The following FBP2 variants were observed in gnomAD, a reference collection of about 807,000 sequenced individuals.
FBP2 encodes fructose-bisphosphatase 2, also known as fructose-1,6-bisphosphatase isozyme 2.
FBP2 carries 27 observed loss-of-function variants against 31.6 expected under a neutral mutation model. The observed-to-expected ratio is 0.85, with a 90% confidence interval of 0.63 to 1.18. FBP2 has a LOEUF of 1.18. FBP2 is among the 50% of genes most tolerant of loss of function. The pLI is 0.00. For missense variants in FBP2, 421 were observed against 436.1 expected (o/e 0.97, Z 0.31); for synonymous variants, 168 against 179.8 (o/e 0.93, Z 0.53).
At chr9:94,569,322 T>C (rs879752721) in intron 4 of FBP2, 3 of 152,270 alleles carry the variant, frequency 2.0e-5, no homozygotes, top group Admixed American at 6.5e-5. Context: ...GGTCCTCTAG[T>C]CCTGCCCGTT....
chr9:94,589,837 G>A (rs1458475196), intron 1 of FBP2, among the ~76,000 whole-genome samples: 2 of 150,008 alleles, frequency 1.3e-5, no homozygotes, highest in African/African-American at 4.9e-5. Context: ...TCACCCCAAA[G>A]ACTGTGCCTC....
At chr9:94,588,904 G>A (rs1449335594) in intron 1 of FBP2, among the ~76,000 whole-genome samples, 1 of 152,122 alleles carries the variant, frequency 6.6e-6, no homozygotes, top group Non-Finnish European at 1.5e-5. Flanking sequence ...CCTTGTGACT[G>A]ACTGCCCAGT....
intron 6 of FBP2, among the ~76,000 whole-genome samples, chr9:94,559,737 T>A (rs1827066291): frequency 6.6e-6 from 1 of 152,182 alleles, no homozygotes. Context: ...GTACTTCCCC[T>A]CTGGTACCAC....
chr9:94,590,736 C>G (rs1006170559), intron 1 of FBP2, among the ~76,000 whole-genome samples: 1 of 152,158 alleles, frequency 6.6e-6, no homozygotes, highest in Non-Finnish European at 1.5e-5. Flanking sequence ...AACGGGTTGC[C>G]GATGCTGGTT....
chr9:94,587,989 C>G (rs1587846172), intron 1 of FBP2, among the ~76,000 whole-genome samples: 1 of 152,140 alleles, frequency 6.6e-6, no homozygotes, highest in East Asian at 1.9e-4. Flanking sequence ...GCTGGGACTA[C>G]AGGCGCCCGC....
At chr9:94,586,872 G>T in intron 2 of FBP2, 1 of 160,384 alleles carries the variant, frequency 6.2e-6, no homozygotes, top group Non-Finnish European at 1.3e-5. Flanking sequence ...CAGTCTAACA[G>T]CTTGTCAGGC....
At position 94,593,563 on chromosome 9, in the gene FBP2, G is replaced by T. The variant is rs771646420; in HGVS notation, c.164C>A (p.Ala55Asp). The T allele has an allele frequency of 8.1e-6, 13 of 1,613,176 alleles. No individual in the cohort carries two copies. Among genetic ancestry groups the T allele is most frequent in the Non-Finnish European group, 1.0e-5 (12 of 1,179,774 alleles). ...CCTGCTCCCCAGGACTCACAGGTGGGCCAGACCGGCCTTGCGCACAGCCGA... is the reference window on the plus strand; with the variant it reads ...CCTGCTCCCCAGGACTCACAGGTGGTCCAGACCGGCCTTGCGCACAGCCGA... ...ISSAVRKAGL[A>D]HLYGIAGSVN... Residue 55 changes from alanine to aspartate, a missense_variant, in exon 1 of 7, where the codon GCC becomes GAC. Coordinates refer to ENST00000375337, the MANE Select transcript of FBP2 (RefSeq NM_003837.4).
chr9:94,564,417 C>T (rs998199410), intron 5 of FBP2, among the ~76,000 whole-genome samples: 1 of 152,192 alleles, frequency 6.6e-6, no homozygotes, highest in African/African-American at 2.4e-5. Flanking sequence ...ACCTAAATGC[C>T]CATCAGTGGT....
intron 3 of FBP2, among the ~76,000 whole-genome samples, chr9:94,575,848 G>GT (rs1827309985): frequency 6.6e-6 from 1 of 152,146 alleles, no homozygotes; most frequent in Non-Finnish European, 1.5e-5. Context: ...TCTTCCTAAC[G>GT]TAACTGGGCA....
chr9:94,571,696 G>T, intron 3 of FBP2, 94 bp from the exon 4 acceptor site: 1 of 1,167,912 alleles, frequency 8.6e-7, no homozygotes. Context: ...TCGAATCACT[G>T]AAGGAAGCGC....
At chr9:94,591,424 G>A (rs1052975414) in intron 1 of FBP2, among the ~76,000 whole-genome samples, 11 of 152,218 alleles carry the variant, frequency 7.2e-5, no homozygotes, top group East Asian at 3.9e-4. Context: ...AGCAGGGCTG[G>A]CTGGCTGCTC....
rs117378982 is a variant in FBP2 at position 94,583,976 on chromosome 9, A to C, written c.426+601T>G. On this transcript the variant is annotated intron_variant, in intron 3 of 6. Transcript: ENST00000375337. ...GAAGGACAAGTTTTCTGAATTGTGA[A>C]GTTTCTAGTCCTGCTGGATGTCACA... Among the ~76,000 whole-genome samples the C allele has an allele frequency of 9.8e-4, 150 of 152,294 alleles. 1 individual carries two copies. Among genetic ancestry groups the C allele is most frequent in the Non-Finnish European group, 1.9e-3 (126 of 68,028 alleles).
At chr9:94,584,760 A>C in intron 2 of FBP2, 91 bp from the exon 3 acceptor site, 4 of 769,610 alleles carry the variant, frequency 5.2e-6, no homozygotes, top group Non-Finnish European at 6.9e-6. Flanking sequence ...AGAGTACACC[A>C]CATCAAAAAG....
chr9:94,590,135 A>T (rs1203856535), intron 1 of FBP2, among the ~76,000 whole-genome samples: 1 of 152,060 alleles, frequency 6.6e-6, no homozygotes, highest in African/African-American at 2.4e-5. Flanking sequence ...AAGAATGGAA[A>T]CTCACCAGGA....
At chr9:94,585,421 G>C (rs1827416098) in intron 2 of FBP2, among the ~76,000 whole-genome samples, 1 of 151,958 alleles carries the variant, frequency 6.6e-6, no homozygotes, top group Non-Finnish European at 1.5e-5. Context: ...GGATTTCATG[G>C]CACTGACATT....
At chr9:94,574,755 A>G (rs936684859) in intron 3 of FBP2, among the ~76,000 whole-genome samples, 3 of 151,922 alleles carry the variant, frequency 2.0e-5, no homozygotes, top group Non-Finnish European at 4.4e-5. Flanking sequence ...TTTATTCCCC[A>G]CCTCTCTACC....
rs550301259 is a variant in FBP2 at position 94,559,819 on chromosome 9, C to G, written c.826-687G>C. 2.0e-5 allele frequency among the ~76,000 whole-genome samples: 3 copies of G among 152,234 alleles called. No individual in the cohort carries two copies. The East Asian group carries it at 5.8e-4, about 29-fold the overall frequency. Reference sequence around the variant, plus strand: ...CTGTCCATCCTAGCTGGTCACTGTACTATCTGTATTCTCAGTAGTGCCGAC... The same window carrying G: ...CTGTCCATCCTAGCTGGTCACTGTAGTATCTGTATTCTCAGTAGTGCCGAC... On this transcript the variant is annotated intron_variant, in intron 6 of 6. Coordinates refer to ENST00000375337, the MANE Select transcript of FBP2 (RefSeq NM_003837.4).
chr9:94,571,563 A>C lies in FBP2; in HGVS notation c.466T>G (p.Cys156Gly). 1 of 1,613,964 alleles carries C rather than the reference A, an allele frequency of 6.2e-7. No homozygotes were observed. Among genetic ancestry groups the C allele is most frequent in the Non-Finnish European group, 8.5e-7 (1 of 1,179,882 alleles). Residue 156 changes from cysteine to glycine, a missense_variant, in exon 4 of 7, where the codon TGT (cysteine) becomes GGT (glycine). Cys to Gly is a radical substitution (Grantham distance 159). Coordinates refer to ENST00000375337, the MANE Select transcript of FBP2 (RefSeq NM_003837.4). ...DEPSEKDALQ[C>G]GRNIVAAGYA... ...CCTGCGGCCACAATATTGCGGCCACACTGCAGGGCATCCTTTTCAGAAGGC... is the reference window on the plus strand; with the variant it reads ...CCTGCGGCCACAATATTGCGGCCACCCTGCAGGGCATCCTTTTCAGAAGGC...
At chr9:94,566,551 AG>A (rs1219929730) in intron 5 of FBP2, among the ~76,000 whole-genome samples, 4 of 152,228 alleles carry the variant, frequency 2.6e-5, no homozygotes, top group African/African-American at 9.6e-5. Flanking sequence ...GTTAATAAAT[AG>A]GTGGGTAAAT....
Sources: gnomAD v4.1 joint callset for allele counts (sites outside exome capture counted in the v4.1 genomes callset) on GRCh38, gnomAD v4.1.1 for gene constraint, MANE v1.5 for transcripts, NCBI Gene and HGNC (gene_info 2026-07-23, HGNC 2026-07-21) for gene names.